SECISBP2L: variants seen among roughly 807,000 people sequenced by gnomAD.
SECISBP2L encodes the protein SECIS binding protein 2 like.
SECISBP2L carries 43 observed loss-of-function variants against 114.7 expected under a neutral mutation model. The ratio of observed to expected loss-of-function variants is 0.38; its 90% CI spans 0.29 to 0.48. The LOEUF is 0.48. Ranked by LOEUF, SECISBP2L falls within the 20% of genes least tolerant of loss-of-function variation. The pLI is 0.98. For synonymous variants in SECISBP2L, 451 were observed against 439.7 expected (o/e 1.03, Z -0.32); for missense variants, 1,136 against 1,301.1 (o/e 0.87, Z 1.95).
At chr15:49,016,726 A>T (rs1444109680) in intron 10 of SECISBP2L, 25 bp from the exon 11 acceptor site, 7 of 1,518,096 alleles carry the variant, frequency 4.6e-6, no homozygotes, top group South Asian at 3.9e-5. Flanking sequence ...TAAAAAATTA[A>T]TTTTTTTGTT....
chr15:49,036,819 G>GGTTTATA (rs1903018154), intron 2 of SECISBP2L, among the ~76,000 whole-genome samples: 1 of 152,186 alleles, frequency 6.6e-6, no homozygotes, highest in Non-Finnish European at 1.5e-5. Flanking sequence ...GTGCAACAGT[G>GGTTTATA]GTTTATAGAT....
rs1405595124 is a variant in SECISBP2L at position 48,992,709 on chromosome 15, C to T, written c.2841G>A (p.Lys947=). ...KSTASDKEEV[K]PDDLEWASQQ... ...GTGAGGCCCATTCCAGGTCATCTGG[C>T]TTCACTTCCTCTTTATCACTTGCTG... Residue 947 remains lysine (K), a synonymous_variant, in exon 18 of 18, where the codon AAG becomes AAA. Coordinates refer to ENST00000559471, the MANE Select transcript of SECISBP2L (RefSeq NM_001193489.2). The T allele has an allele frequency of 2.5e-6, 4 of 1,614,084 alleles. No individual in the cohort carries two copies. The East Asian group carries it at 6.7e-5, about 27-fold the overall frequency.
Position 48,990,404 on chromosome 15 carries a change from A to G in SECISBP2L, c.*1840T>C, listed in dbSNP as rs920491231. The G allele has an allele frequency of 6.6e-6, 1 of 152,414 alleles. No homozygotes were observed. The highest frequency in any genetic ancestry group is 2.4e-5 in the African/African-American group (1 of 41,462). 9.4% of individuals were successfully genotyped at this position (152,414 alleles called of 1,614,324 possible). A position where few individuals can be genotyped will look rare whatever the true frequency, so the allele number is the denominator to read the frequency against. The stretch of plus-strand genomic sequence containing the variant: ...AGTAAGATCTGCCATGTATAAATCC[A>G]TGAGTACTATTTCAGAGGCTTCATT... On this transcript the variant is annotated 3_prime_UTR_variant, in exon 18 of 18. Transcript: ENST00000559471.
Position 48,996,308 on chromosome 15 carries a change from G to A in SECISBP2L, c.2623+59C>T, listed in dbSNP as rs1902083392. The A allele has an allele frequency of 3.5e-6, 5 of 1,436,362 alleles. No homozygotes were observed. In the South Asian group the frequency reaches 6.3e-5, roughly 18 times the overall value. 89.0% of individuals were successfully genotyped at this position (1,436,362 alleles called of 1,614,324 possible). ...AAGATTAAAAATAAAAGGTAGAATA[G>A]AAAGTCATTTAAATCATCTCATGGT... On this transcript the variant is annotated intron_variant, in intron 17 of 17. Coordinates refer to ENST00000559471, the MANE Select transcript of SECISBP2L (RefSeq NM_001193489.2).
rs1595792420 is a variant in SECISBP2L at position 49,027,298 on chromosome 15, GTAAC to G, written c.1035+63_1035+66del. 21 of 1,161,834 alleles carry G rather than the reference GTAAC, an allele frequency of 1.8e-5. No homozygotes were observed. In the East Asian group the frequency reaches 4.8e-4, roughly 26 times the overall value. The allele number at this position is 1,161,834 out of a possible 1,614,324, so 72.0% of individuals were successfully genotyped here. A position where few individuals can be genotyped will look rare whatever the true frequency, so the allele number is the denominator to read the frequency against. On this transcript the variant is annotated intron_variant, in intron 7 of 17. Transcript: ENST00000559471. ...CCATGTGCATATCCACTACACCACT[GTAAC>G]TAACAAATCTAAAATGACTCATCTC...
chr15:49,000,620 T>C (rs1037661071), intron 15 of SECISBP2L, among the ~76,000 whole-genome samples: 1 of 152,226 alleles, frequency 6.6e-6, no homozygotes, highest in Non-Finnish European at 1.5e-5. Context: ...GACCTCCATC[T>C]GATCACAACA....
chr15:49,000,803 T>C (rs1902188104), intron 15 of SECISBP2L, 74 bp downstream of exon 15: 12 of 1,209,888 alleles, frequency 9.9e-6, no homozygotes, highest in Admixed American at 2.5e-5. Flanking sequence ...GAAAGACATA[T>C]GGCTTCTACT....
At chr15:49,044,299 T>C (rs1216008061) in intron 1 of SECISBP2L, among the ~76,000 whole-genome samples, 1 of 152,204 alleles carries the variant, frequency 6.6e-6, no homozygotes, top group Non-Finnish European at 1.5e-5. Context: ...AGCCATTACA[T>C]GACTCTATGG....
At chr15:49,035,186 G>A in intron 3 of SECISBP2L, 148 bp downstream of exon 3, 1 of 640,794 alleles carries the variant, frequency 1.6e-6, no homozygotes. Context: ...ATTATTTTAA[G>A]AATTACATAC....
At chr15:49,029,287 T>C (rs1251923050) in intron 4 of SECISBP2L, among the ~76,000 whole-genome samples, 3 of 152,246 alleles carry the variant, frequency 2.0e-5, no homozygotes, top group Non-Finnish European at 4.4e-5. Flanking sequence ...CCTCCACTAC[T>C]ATACCGTTTT....
At chr15:49,026,967 T>A (rs1423483723) in intron 7 of SECISBP2L, among the ~76,000 whole-genome samples, 1 of 152,184 alleles carries the variant, frequency 6.6e-6, no homozygotes, top group East Asian at 1.9e-4. Context: ...GGCACTGCCA[T>A]TAGCACAAAA....
At chr15:49,032,700 T>C (rs1367579099) in intron 4 of SECISBP2L, among the ~76,000 whole-genome samples, 1 of 152,192 alleles carries the variant, frequency 6.6e-6, no homozygotes, top group Non-Finnish European at 1.5e-5. Context: ...CAAAATTCCA[T>C]CTCTGATTTC....
chr15:49,022,264 C>T (rs1211191223), intron 7 of SECISBP2L, among the ~76,000 whole-genome samples: 2 of 152,100 alleles, frequency 1.3e-5, no homozygotes, highest in East Asian at 3.9e-4. Context: ...ACTATGGGTG[C>T]ATGCCACCAT....
In SECISBP2L at chr15:49,035,388, G is replaced by C; in HGVS notation, c.474C>G (p.Phe158Leu). The change falls in exon 3 of 18, where the codon TTC (phenylalanine) becomes TTG (leucine). Residue 158 changes from phenylalanine (F) to leucine (L), a missense_variant. This residue lies in a region of SECISBP2L where 452 missense variants were observed against 452.3 expected (regional missense o/e 1.00). Transcript: ENST00000559471. ...TTCTGCTTCGATGGCTGGACAATGG[G>C]AAGACCTGTCCAAGCTGACTTGGAC... Reference protein sequence around the residue: ...TERPSQLGQVFPLSSHRSRNS... With the variant: ...TERPSQLGQVLPLSSHRSRNS... The C allele has an allele frequency of 6.2e-7, 1 of 1,614,170 alleles. No homozygotes were observed. The highest frequency in any genetic ancestry group is 1.3e-5 in the African/African-American group (1 of 75,036).
chr15:49,004,533 T>C (rs1902277504), intron 14 of SECISBP2L, among the ~76,000 whole-genome samples: 1 of 152,206 alleles, frequency 6.6e-6, no homozygotes, highest in Admixed American at 6.5e-5. Context: ...AGAGTGTTGA[T>C]TTTAGATCTT....
In SECISBP2L at chr15:48,989,532, C is replaced by T. The variant is rs998691318; in HGVS notation, c.*2712G>A. The T allele has an allele frequency of 5.2e-5, 8 of 152,554 alleles. No individual in the cohort carries two copies. Among genetic ancestry groups the T allele is most frequent in the South Asian group, 4.2e-4 (2 of 4,810 alleles). 9.5% of individuals were successfully genotyped at this position (152,554 alleles called of 1,614,324 possible). On this transcript the variant is annotated 3_prime_UTR_variant, in exon 18 of 18. Transcript: ENST00000559471. ...ACATCATTTACAAACATATTTAAACCGAAAATTAAGCTAATATGAACATCT... is the reference window on the plus strand; with the variant it reads ...ACATCATTTACAAACATATTTAAACTGAAAATTAAGCTAATATGAACATCT...
chr15:48,988,799 T>G lies in SECISBP2L; in HGVS notation c.*3445A>C, dbSNP rs931781769. On this transcript the variant is annotated 3_prime_UTR_variant, in exon 18 of 18. Coordinates refer to ENST00000559471, the MANE Select transcript of SECISBP2L (RefSeq NM_001193489.2). Reference sequence around the variant, plus strand: ...TTATAACTCACACTAATTTTGCTAGTTTTTTATTAGAGCATTACAATTAAG... The same window carrying G: ...TTATAACTCACACTAATTTTGCTAGGTTTTTATTAGAGCATTACAATTAAG... 3 of 229,622 alleles carry G rather than the reference T, an allele frequency of 1.3e-5. No homozygotes were observed. The highest frequency in any genetic ancestry group is 2.7e-5 in the Non-Finnish European group (3 of 111,372). 14.2% of individuals were successfully genotyped at this position (229,622 alleles called of 1,614,324 possible).
chr15:49,012,020 G>GT (rs1902447086), intron 12 of SECISBP2L, among the ~76,000 whole-genome samples, 157 bp from the exon 13 acceptor site: 1 of 152,040 alleles, frequency 6.6e-6, no homozygotes, highest in Admixed American at 6.6e-5. Flanking sequence ...TTCAGACACT[G>GT]TAAGTTGAAG....
At chr15:49,018,256 ATT>A (rs111439945) in intron 8 of SECISBP2L, among the ~76,000 whole-genome samples, 52 of 139,874 alleles carry the variant, frequency 3.7e-4, no homozygotes, top group Middle Eastern at 3.9e-3. Context: ...CATATTATTG[ATT>A]TTTTTTTTTT....
Sources: allele counts gnomAD v4.1 joint callset (sites outside exome capture counted in the v4.1 genomes callset), GRCh38; gene constraint gnomAD v4.1.1; regional missense constraint gnomAD v4.1.1; transcripts MANE v1.5; gene names NCBI Gene and HGNC (gene_info 2026-07-23, HGNC 2026-07-21).